The following CCDC136 variants were observed in gnomAD, a reference collection of about 807,000 sequenced individuals.
CCDC136 encodes the protein coiled-coil domain-containing protein 136.
A neutral mutation model predicts 141.2 loss-of-function variants in CCDC136; 100 were observed. The ratio of observed to expected loss-of-function variants is 0.71; its 90% confidence interval spans 0.60 to 0.84. CCDC136 has a LOEUF of 0.84. Among genes scored for constraint, CCDC136 ranks in the 40% least tolerant of loss-of-function variants. The probability of loss-of-function intolerance (pLI) is 0.00; values close to 1 mark genes in which losing one functional copy is unlikely to be tolerated. For missense variants in CCDC136, 1,206 were observed against 1,379.4 expected (o/e 0.87, Z 1.99); for synonymous variants, 474 against 531.9 (o/e 0.89, Z 1.50).
At chr7:128,820,801 G>C (rs1807342220) in intron 17 of CCDC136, among the ~76,000 whole-genome samples, 1 of 152,122 alleles carries the variant, frequency 6.6e-6, no homozygotes, top group Non-Finnish European at 1.5e-5. Flanking sequence ...CATACCTTCT[G>C]TTGTTCTTAG....
chr7:128,806,013 C>G (rs1251293875), intron 7 of CCDC136, 112 bp downstream of exon 7: 2 of 1,309,428 alleles, frequency 1.5e-6, no homozygotes, highest in Non-Finnish European at 2.1e-6. Flanking sequence ...GACTCTTGCC[C>G]TGCAACTGGG....
chr7:128,794,645 C>A lies in CCDC136; in HGVS notation c.271+43C>A. ...GGCCCAGTGCCCGGGCCCAGAGGCT[C>A]TGCACTCCCCTGGATCCGAGCTTGA... On this transcript the variant is annotated intron_variant, in intron 2 of 17. Transcript: ENST00000297788. This position sits in a 1 kb window ranked among gnomAD's most constrained non-coding sequence, Gnocchi z 4.3. 6.5e-7 allele frequency: 1 copy of A among 1,534,900 alleles called. No homozygotes were observed. Among genetic ancestry groups the A allele is most frequent in the African/African-American group, 1.4e-5 (1 of 72,342 alleles).
chr7:128,815,904 C>A lies in CCDC136; in HGVS notation c.3336C>A (p.Asn1112Lys). 6 of 1,612,342 alleles carry A rather than the reference C, an allele frequency of 3.7e-6. No homozygotes were observed. The highest frequency in any genetic ancestry group is 5.1e-6 in the Non-Finnish European group (6 of 1,179,016). Reference protein sequence around the residue: ...DSSLESPEENNPLRLSESKKS... With the variant: ...DSSLESPEENKPLRLSESKKS... ...CCCTTGAAAGTCCCGAAGAAAATAACCCCCTCAGACTTTCCGAGAGCAAAA... is the reference window on the plus strand; with the variant it reads ...CCCTTGAAAGTCCCGAAGAAAATAAACCCCTCAGACTTTCCGAGAGCAAAA... The change falls in exon 16 of 18, where the codon AAC becomes AAA. Residue 1112 changes from asparagine to lysine, a missense_variant. Asn to Lys is a moderately conservative substitution (Grantham distance 94, BLOSUM62 0). Transcript: ENST00000297788.
Position 128,806,751 on chromosome 7 carries a change from A to AAGCTGCTGGAACGGCAGCAGC in CCDC136, c.1319_1339dup (p.Leu440_Leu446dup), listed in dbSNP as rs1252967909. 1 of 1,612,200 alleles carries AAGCTGCTGGAACGGCAGCAGC rather than the reference A, an allele frequency of 6.2e-7. No homozygotes were observed. Among genetic ancestry groups the AAGCTGCTGGAACGGCAGCAGC allele is most frequent in the Admixed American group, 1.7e-5 (1 of 59,936 alleles). On this transcript the variant is annotated inframe_insertion, in exon 9 of 18. Transcript: ENST00000297788. ...CCAGAACGTCACATGTGAGAAGGAAAAGCTGCTGGAACGGCAGCAGCAGCT... is the reference window on the plus strand; with the variant it reads ...CCAGAACGTCACATGTGAGAAGGAAAAGCTGCTGGAACGGCAGCAGCAGCTGCTGGAACGGCAGCAGCAGCT...
Position 128,792,294 on chromosome 7 carries a change from A to G in CCDC136, c.-118A>G. 1 of 566,920 alleles carries G rather than the reference A, an allele frequency of 1.8e-6. No homozygotes were observed. Among genetic ancestry groups the G allele is most frequent in the East Asian group, 7.3e-5 (1 of 13,732 alleles). 35.1% of individuals were successfully genotyped at this position (566,920 alleles called of 1,614,324 possible). On this transcript the variant is annotated 5_prime_UTR_variant, in exon 1 of 18. Coordinates refer to ENST00000297788, the MANE Select transcript of CCDC136 (RefSeq NM_022742.5). ...GCCCGCAGCCAGCCCCCCACCCCCC[A>G]GCCCCTCCTTTCTCCCTGCTCTCAG... is the stretch of plus-strand genomic sequence containing the variant.
intron 3 of CCDC136, among the ~76,000 whole-genome samples, chr7:128,797,598 C>T (rs768704144): frequency 1.6e-4 from 25 of 152,080 alleles, no homozygotes; most frequent in Non-Finnish European, 3.5e-4. Context: ...TTGGATTTGG[C>T]AAGAGAGAGG....
Position 128,817,871 on chromosome 7 carries a change from G to A in CCDC136, c.*5+7G>A. The A allele has an allele frequency of 6.2e-7, 1 of 1,607,108 alleles. No individual in the cohort carries two copies. Among genetic ancestry groups the A allele is most frequent in the Non-Finnish European group, 8.5e-7 (1 of 1,173,730 alleles). On this transcript the variant is annotated splice_region_variant and intron_variant, in intron 17 of 17. Coordinates refer to ENST00000297788, the MANE Select transcript of CCDC136 (RefSeq NM_022742.5). This position sits in a 1 kb window ranked among gnomAD's most constrained non-coding sequence, Gnocchi z 4.6. ...AGACGTCGTCCTAATGCAGGTACTG[G>A]TATTGCTTCCTCTCCTTCTGAGGGA...
chr7:128,810,831 C>A (rs541321716), intron 12 of CCDC136, among the ~76,000 whole-genome samples: 4 of 152,144 alleles, frequency 2.6e-5, no homozygotes, highest in Admixed American at 6.5e-5. Context: ...AAATTTGGGG[C>A]CTTTCATTTC....
chr7:128,801,117 T>C, intron 3 of CCDC136, 69 bp from the exon 4 acceptor site: 1 of 1,149,822 alleles, frequency 8.7e-7, no homozygotes, highest in Non-Finnish European at 1.3e-6. Context: ...CCCTTTAATT[T>C]TGTGCCTCTA....
chr7:128,794,641 G>A lies in CCDC136; in HGVS notation c.271+39G>A. The A allele has an allele frequency of 2.6e-6, 4 of 1,531,230 alleles. No homozygotes were observed. Among genetic ancestry groups the A allele is most frequent in the Non-Finnish European group, 3.5e-6 (4 of 1,137,690 alleles). The allele number at this position is 1,531,230 out of a possible 1,614,324, so 94.9% of individuals were successfully genotyped here. On this transcript the variant is annotated intron_variant, in intron 2 of 17. Coordinates refer to ENST00000297788, the MANE Select transcript of CCDC136 (RefSeq NM_022742.5). This position sits in a 1 kb window ranked among gnomAD's most constrained non-coding sequence, Gnocchi z 4.3. ...CCAGGGCCCAGTGCCCGGGCCCAGAGGCTCTGCACTCCCCTGGATCCGAGC... is the reference window on the plus strand; with the variant it reads ...CCAGGGCCCAGTGCCCGGGCCCAGAAGCTCTGCACTCCCCTGGATCCGAGC...
rs762002026 is a variant in CCDC136 at position 128,806,346 on chromosome 7, G to A, written c.1199G>A (p.Arg400Gln). 9.4e-6 allele frequency: 15 copies of A among 1,603,024 alleles called. No homozygotes were observed. The highest frequency in any genetic ancestry group is 5.4e-5 in the African/African-American group (4 of 74,684). The change falls in exon 8 of 18, where the codon CGG becomes CAG. Residue 400 changes from arginine to glutamine, a missense_variant. Transcript: ENST00000297788. ...KMQLQLQTEL[R>Q]QLKVMKSTLV... ...CAGCTGCAACTTCAGACTGAGCTCCGGCAGCTCAAAGTCATGAAATCCACA... is the reference window on the plus strand; with the variant it reads ...CAGCTGCAACTTCAGACTGAGCTCCAGCAGCTCAAAGTCATGAAATCCACA...
intron 4 of CCDC136, among the ~76,000 whole-genome samples, chr7:128,801,921 T>G (rs941023285): frequency 1.2e-4 from 19 of 152,188 alleles, no homozygotes; most frequent in African/African-American, 4.6e-4. Flanking sequence ...TTTGTTGATT[T>G]GACTATGGGA....
In CCDC136 at chr7:128,812,079, G is replaced by A; in HGVS notation, c.2308G>A (p.Glu770Lys). ...TTATGATACCACTGTGGATGACAAT[G>A]AGAGCTATTACAAGAGTTACACCAG... ...KTYDTTVDDN[E>K]SYYKSYTSTQ... is the part of the protein sequence containing the mutation. Residue 770 changes from glutamate (E) to lysine (K), a missense_variant, in exon 13 of 18, where the codon GAG becomes AAG. Transcript: ENST00000297788. 1 of 1,614,036 alleles carries A rather than the reference G, an allele frequency of 6.2e-7. No homozygotes were observed.
Position 128,794,598 on chromosome 7 carries a change from A to G in CCDC136, c.267A>G (p.Leu89=), listed in dbSNP as rs528647528. Residue 89 remains leucine (L), a synonymous_variant, in exon 2 of 18, where the codon CTA becomes CTG. Transcript: ENST00000297788. This position sits in a 1 kb window ranked among gnomAD's most constrained non-coding sequence, Gnocchi z 4.3. The stretch of plus-strand genomic sequence containing the variant: ...AGCATGAGGATGACTCCTTGGAGCT[A>G]CAGGGTGAGTGCCTGGGCCAGGGCC... ...AGQHEDDSLE[L]QGLLEDERLA... 4.3e-4 allele frequency: 667 copies of G among 1,549,638 alleles called. 7 individuals are homozygous for G. In the South Asian group the frequency reaches 7.7e-3, roughly 18 times the overall value.
upstream of CCDC136, chr7:128,791,312 A>G: frequency 2.8e-6 from 1 of 356,480 alleles, no homozygotes; most frequent in Non-Finnish European, 4.9e-6. This position sits in a 1 kb window ranked among gnomAD's most constrained non-coding sequence, Gnocchi z 7.1. Context: ...ACGGGCTCGG[A>G]GCTCCCGAGT....
Position 128,801,444 on chromosome 7 carries a change from A to G in CCDC136, c.605A>G (p.Glu202Gly), listed in dbSNP as rs758384173. Residue 202 changes from glutamate to glycine, a missense_variant, in exon 4 of 18, where the codon GAA becomes GGA. Transcript: ENST00000297788. ...YEMEIASLRA[E>G]MEMKSSEPSG... is the part of the protein sequence containing the mutation. ...ATGGAGATCGCCTCCCTCCGTGCAG[A>G]AATGGAAATGAAGAGCTCTGAACCA... is the stretch of plus-strand genomic sequence containing the variant. 16 of 1,613,516 alleles carry G rather than the reference A, an allele frequency of 9.9e-6. No individual in the cohort carries two copies. In the South Asian group the frequency reaches 1.6e-4, roughly 17 times the overall value.
intron 3 of CCDC136, among the ~76,000 whole-genome samples, chr7:128,796,722 A>AATATATATATATATATATAT (rs149502865): frequency 6.6e-5 from 8 of 120,724 alleles, no homozygotes; most frequent in African/African-American, 3.0e-4. Flanking sequence ...GATGATTCAG[A>AATATATATATATATATATAT]ATATATATAT....
intron 12 of CCDC136, among the ~76,000 whole-genome samples, 167 bp from the exon 13 acceptor site, chr7:128,811,633 C>T (rs2128918078): frequency 6.6e-6 from 1 of 152,312 alleles, no homozygotes; most frequent in South Asian, 2.1e-4. Flanking sequence ...GAAACTGATA[C>T]ATGCCAGTTA....
rs546055495 is a variant in CCDC136 at position 128,798,077 on chromosome 7, C to T, written c.347-3109C>T. On this transcript the variant is annotated intron_variant, in intron 3 of 17. Coordinates refer to ENST00000297788, the MANE Select transcript of CCDC136 (RefSeq NM_022742.5). ...AGACTACAGGCGCCCGCCACCACACCCGGCTAATTTTTTGTATTTTTAGTA... is the reference window on the plus strand; with the variant it reads ...AGACTACAGGCGCCCGCCACCACACTCGGCTAATTTTTTGTATTTTTAGTA... Among the ~76,000 whole-genome samples, 374 of 150,956 alleles carry T rather than the reference C, an allele frequency of 2.5e-3. 3 individuals are homozygous for T. The highest frequency in any genetic ancestry group is 8.7e-3 in the African/African-American group (357 of 41,112).
Sources: gnomAD v4.1 joint callset for allele counts (sites outside exome capture counted in the v4.1 genomes callset) on GRCh38, gnomAD v4.1.1 for gene constraint, Gnocchi (gnomAD v3.1) non-coding constraint, MANE v1.5 for transcripts, NCBI Gene and HGNC (gene_info 2026-07-23, HGNC 2026-07-21) for gene names.